Variants in STARD9 observed in about 807,000 individuals in gnomAD.
STARD9 encodes StAR related lipid transfer domain containing 9.
Under a neutral mutation model 399.8 loss-of-function variants are expected in STARD9, and 346 were observed. The observed-to-expected ratio is 0.87, with a 90% CI of 0.79 to 0.95. STARD9 has a LOEUF of 0.95. Ranked by LOEUF, STARD9 falls within the 40% of genes least tolerant of loss-of-function variation. STARD9 has a pLI of 0.00. For missense variants in STARD9, 5,832 were observed against 5,667.5 expected (o/e 1.03, Z -0.93); for synonymous variants, 2,203 against 2,143.5 (o/e 1.03, Z -0.77).
chr15:42,719,380 C>G, intron 32 of STARD9, 93 bp from the exon 33 acceptor site: 1 of 785,690 alleles, frequency 1.3e-6, no homozygotes, highest in South Asian at 1.7e-5. Flanking sequence ...CTTCTCCCAT[C>G]ACCACAGGCT....
At position 42,688,096 on chromosome 15, in the gene STARD9, C is replaced by T. The variant is rs368597240; in HGVS notation, c.6518C>T (p.Ser2173Leu). The change falls in exon 23 of 33, where the codon TCG (serine) becomes TTG (leucine). Residue 2173 changes from serine to leucine, a missense_variant. Physicochemically the swap from Ser to Leu is moderately radical, Grantham distance 145. Around this residue, in one of 2 missense-constraint regions of STARD9, gnomAD observed 5,828 missense variants for 5,651.1 expected, o/e 1.03. Transcript: ENST00000290607. ...PVREHTHPAG[S>L]DRPARDICDS... is the part of the protein sequence containing the mutation. ...AGAGAGCACACCCACCCAGCTGGAT[C>T]GGACAGACCTGCCAGGGATATTTGT... The T allele has an allele frequency of 1.2e-5, 18 of 1,537,214 alleles. No homozygotes were observed. Among genetic ancestry groups the T allele is most frequent in the African/African-American group, 2.7e-5 (2 of 73,024 alleles).
chr15:42,613,201 A>G (rs2058889819), intron 3 of STARD9, among the ~76,000 whole-genome samples: 2 of 151,858 alleles, frequency 1.3e-5, no homozygotes, highest in Admixed American at 6.6e-5. Context: ...CCTATTTGTT[A>G]TTTTCTTTTT....
chr15:42,646,183 AATAATG>A (rs890101323), intron 7 of STARD9, among the ~76,000 whole-genome samples: 124 of 152,208 alleles, frequency 8.1e-4, no homozygotes, highest in African/African-American at 2.9e-3. Flanking sequence ...CAACAATAAT[AATAATG>A]ATAATAATAA....
At chr15:42,665,738 G>C in intron 14 of STARD9, 48 bp from the exon 15 acceptor site, 1 of 1,489,444 alleles carries the variant, frequency 6.7e-7, no homozygotes, top group Non-Finnish European at 9.1e-7. Context: ...GGACCTACCT[G>C]AAGTTCAGAC....
chr15:42,698,002 G>A (rs542810182), intron 26 of STARD9, among the ~76,000 whole-genome samples: 3 of 152,230 alleles, frequency 2.0e-5, no homozygotes, highest in East Asian at 3.9e-4. Context: ...ACAAAATAAA[G>A]CATATTATGC....
intron 26 of STARD9, among the ~76,000 whole-genome samples, chr15:42,711,806 A>G (rs930352154): frequency 2.0e-5 from 3 of 151,230 alleles, no homozygotes; most frequent in African/African-American, 7.3e-5. Flanking sequence ...AAGCTTTTGT[A>G]TGGATATGTT....
intron 3 of STARD9, among the ~76,000 whole-genome samples, chr15:42,592,831 T>C (rs552109201): frequency 6.6e-6 from 1 of 152,348 alleles, no homozygotes; most frequent in East Asian, 1.9e-4. Context: ...GAAGCTTTTC[T>C]TCAAAATTGG....
At chr15:42,640,848 G>A (rs1050863543) in intron 7 of STARD9, among the ~76,000 whole-genome samples, 2 of 150,216 alleles carry the variant, frequency 1.3e-5, no homozygotes, top group African/African-American at 4.9e-5. Flanking sequence ...AAGTCTGTGT[G>A]TGTATGTGTG....
Position 42,686,093 on chromosome 15 carries a change from A to T in STARD9, c.4515A>T (p.Ala1505=). ...GTCCTGTTTTGGAGGCCATAGGAGC[A>T]CCCAAGCCAGCTTACCCCTACCTTG... ...LSCPVLEAIG[A]PKPAYPYLEE... The change falls in exon 23 of 33, where the codon GCA becomes GCT. Residue 1505 remains alanine, a synonymous_variant. Coordinates refer to ENST00000290607, the MANE Select transcript of STARD9 (RefSeq NM_020759.3). 1 of 1,537,144 alleles carries T rather than the reference A, an allele frequency of 6.5e-7. No individual in the cohort carries two copies. The highest frequency in any genetic ancestry group is 8.7e-7 in the Non-Finnish European group (1 of 1,146,868).
chr15:42,707,131 T>C (rs1327418572), intron 26 of STARD9, among the ~76,000 whole-genome samples: 1 of 151,302 alleles, frequency 6.6e-6, no homozygotes, highest in Non-Finnish European at 1.5e-5. Flanking sequence ...TTTTTCAAGG[T>C]TTATGAATAG....
At chr15:42,617,078 T>C (rs914023830) in intron 3 of STARD9, among the ~76,000 whole-genome samples, 1 of 152,188 alleles carries the variant, frequency 6.6e-6, no homozygotes, top group African/African-American at 2.4e-5. Context: ...AGAACACTTC[T>C]AATGAAGTAT....
At chr15:42,675,061 G>A in intron 18 of STARD9, 97 bp downstream of exon 18, 1 of 1,299,962 alleles carries the variant, frequency 7.7e-7, no homozygotes, top group Non-Finnish European at 1.0e-6. Flanking sequence ...CTTTAAAAAT[G>A]GATCACCCAG....
intron 9 of STARD9, among the ~76,000 whole-genome samples, chr15:42,655,927 C>T (rs149018034): frequency 0.028 from 4,192 of 152,126 alleles, 181 homozygotes; most frequent in African/African-American, 0.088. Context: ...CATGAATAAA[C>T]AGTTCTCAAA....
intron 6 of STARD9, 93 bp downstream of exon 6, chr15:42,638,180 A>C (rs2059455804): frequency 2.7e-6 from 3 of 1,128,424 alleles, no homozygotes; most frequent in Non-Finnish European, 3.8e-6. Flanking sequence ...TTCCAGAGTC[A>C]CCACAGGGAT....
At chr15:42,613,571 G>T (rs1217453126) in intron 3 of STARD9, among the ~76,000 whole-genome samples, 5 of 152,198 alleles carry the variant, frequency 3.3e-5, no homozygotes, top group Non-Finnish European at 7.3e-5. Flanking sequence ...GAGAGGAGTT[G>T]TGAGGACTAT....
At chr15:42,581,450 C>G in intron 1 of STARD9, 2 of 1,530,466 alleles carry the variant, frequency 1.3e-6, no homozygotes, top group South Asian at 1.1e-5. Context: ...AGGCGCGGCT[C>G]TGGCTGGGCT....
At chr15:42,613,020 C>G (rs1220915395) in intron 3 of STARD9, among the ~76,000 whole-genome samples, 1 of 148,052 alleles carries the variant, frequency 6.8e-6, no homozygotes, top group African/African-American at 2.5e-5. Flanking sequence ...AGAGCAACAT[C>G]TGTATAAAGA....
At position 42,685,422 on chromosome 15, in the gene STARD9, C is replaced by G. The variant is rs1179185941; in HGVS notation, c.3844C>G (p.Gln1282Glu). 6.5e-7 allele frequency: 1 copy of G among 1,536,454 alleles called. No individual in the cohort carries two copies. The highest frequency in any genetic ancestry group is 8.7e-7 in the Non-Finnish European group (1 of 1,146,322). ...TTCGTTTTACCTTGATCCTCAGTTC[C>G]AACCCCATTGTGAGCTCCAACCCCA... ...SSSFYLDPQF[Q>E]PHCELQPHCE... The change falls in exon 23 of 33, where the codon CAA (glutamine) becomes GAA (glutamate). Residue 1282 changes from glutamine to glutamate, a missense_variant. Coordinates refer to ENST00000290607, the MANE Select transcript of STARD9 (RefSeq NM_020759.3).
At position 42,688,663 on chromosome 15, in the gene STARD9, T is replaced by C; in HGVS notation, c.7085T>C (p.Leu2362Pro). The C allele has an allele frequency of 6.5e-7, 1 of 1,537,658 alleles. No individual in the cohort carries two copies. The highest frequency in any genetic ancestry group is 1.4e-5 in the African/African-American group (1 of 73,168). The change falls in exon 23 of 33, where the codon CTG becomes CCG. Residue 2362 changes from leucine (L) to proline (P), a missense_variant. Physicochemically the swap from Leu to Pro is moderately conservative, Grantham distance 98. Around this residue, in one of 2 missense-constraint regions of STARD9, gnomAD observed 5,828 missense variants for 5,651.1 expected, o/e 1.03. Coordinates refer to ENST00000290607, the MANE Select transcript of STARD9 (RefSeq NM_020759.3). ...ALGISSLDCV[L>P]DLTMLKIHNS... ...GGCATCTCTTCACTTGACTGTGTGCTGGATCTCACAATGTTGAAAATTCAT... is the reference window on the plus strand; with the variant it reads ...GGCATCTCTTCACTTGACTGTGTGCCGGATCTCACAATGTTGAAAATTCAT...
Sources: gnomAD v4.1 joint callset for allele counts (sites outside exome capture counted in the v4.1 genomes callset) on GRCh38, gnomAD v4.1.1 for gene constraint, gnomAD v4.1.1 regional missense constraint, MANE v1.5 for transcripts, NCBI Gene and HGNC (gene_info 2026-07-23, HGNC 2026-07-21) for gene names.